The following MAML3 variants were observed in gnomAD, a reference collection of about 807,000 sequenced individuals.
The protein encoded by MAML3 is mastermind like transcriptional coactivator 3.
Under a neutral mutation model 101.9 loss-of-function variants are expected in MAML3, and 27 were observed. That is an observed-to-expected ratio of 0.27 (90% CI 0.20 to 0.37). MAML3 has a LOEUF of 0.37. Ranked by LOEUF, MAML3 falls within the 10% of genes least tolerant of loss-of-function variation. The pLI is 1.00. For missense variants in MAML3, 1,316 were observed against 1,444.9 expected, an observed-to-expected ratio of 0.91 and a Z score of 1.45; for synonymous variants, 501 against 555.9, an observed-to-expected ratio of 0.90 and a Z score of 1.39.
At chr4:139,848,245 G>C (rs1731484338) in intron 2 of MAML3, among the ~76,000 whole-genome samples, 1 of 152,212 alleles carries the variant, frequency 6.6e-6, no homozygotes, top group Admixed American at 6.5e-5. Context: ...ATGGATGTCT[G>C]TGTGTGTGCA....
chr4:139,843,021 T>C (rs1008612058), intron 2 of MAML3, among the ~76,000 whole-genome samples: 12 of 152,006 alleles, frequency 7.9e-5, no homozygotes, highest in African/African-American at 2.7e-4. Flanking sequence ...CTTCAGGTGA[T>C]CCGCCTACCA....
intron 1 of MAML3, among the ~76,000 whole-genome samples, chr4:140,014,695 G>A (rs761379974): frequency 2.9e-4 from 44 of 152,152 alleles, no homozygotes; most frequent in Middle Eastern, 3.2e-3. Flanking sequence ...TTTTTTTGTT[G>A]TTGCTGTTGC....
intron 2 of MAML3, among the ~76,000 whole-genome samples, chr4:139,840,156 A>G (rs182354728): frequency 6.6e-6 from 1 of 152,318 alleles, no homozygotes; most frequent in Non-Finnish European, 1.5e-5. Context: ...TATAAACCAC[A>G]CTAAGACACT....
chr4:139,958,605 T>C (rs1733952894), intron 1 of MAML3, among the ~76,000 whole-genome samples: 1 of 152,182 alleles, frequency 6.6e-6, no homozygotes, highest in Non-Finnish European at 1.5e-5. Flanking sequence ...TTAGTGATCC[T>C]AGAAGAAGCA....
rs1221103949 is a variant in MAML3 at position 139,808,376 on chromosome 4, G to A, written c.2080-77709C>T. ...GTATATCACCGGCCTGTGGCCAACCGCTGCAGGCACCATACCACTTCTAAG... is the reference window on the plus strand; with the variant it reads ...GTATATCACCGGCCTGTGGCCAACCACTGCAGGCACCATACCACTTCTAAG... On this transcript the variant is annotated intron_variant, in intron 2 of 4. Coordinates refer to ENST00000509479, the MANE Select transcript of MAML3 (RefSeq NM_018717.5). Among the ~76,000 whole-genome samples the A allele has an allele frequency of 3.3e-5, 5 of 152,332 alleles. No homozygotes were observed. In the East Asian group the frequency reaches 5.8e-4, roughly 18 times the overall value.
intron 1 of MAML3, among the ~76,000 whole-genome samples, chr4:140,051,602 G>A (rs887918310): frequency 2.6e-5 from 4 of 151,806 alleles, no homozygotes; most frequent in African/African-American, 4.8e-5. Flanking sequence ...GGTACAGCTT[G>A]TTTCATTTTT....
At chr4:139,831,726 CA>C (rs1731165809) in intron 2 of MAML3, among the ~76,000 whole-genome samples, 1 of 152,018 alleles carries the variant, frequency 6.6e-6, no homozygotes, top group Non-Finnish European at 1.5e-5. Context: ...GAAAAAAAAT[CA>C]ATTAAACCGA....
chr4:140,153,168 A>G lies in MAML3; in HGVS notation c.160T>C (p.Cys54Arg). ...PSSNHPAAGGCGGSGGPGGGS... is the reference protein window; with the variant it reads ...PSSNHPAAGGRGGSGGPGGGS... ...CCGCCGGGGCCCCCGGAGCCGCCGCATCCACCGGCTGCCGGGTGATTGCTA... is the reference window on the plus strand; with the variant it reads ...CCGCCGGGGCCCCCGGAGCCGCCGCGTCCACCGGCTGCCGGGTGATTGCTA... The change falls in exon 1 of 5, where the codon TGC becomes CGC. Residue 54 changes from cysteine to arginine, a missense_variant. Cys to Arg is a radical substitution (Grantham distance 180, BLOSUM62 -3). Coordinates refer to ENST00000509479, the MANE Select transcript of MAML3 (RefSeq NM_018717.5). 1 of 1,551,440 alleles carries G rather than the reference A, an allele frequency of 6.4e-7. No individual in the cohort carries two copies.
intron 2 of MAML3, among the ~76,000 whole-genome samples, chr4:139,811,206 A>G (rs1344167111): frequency 6.6e-6 from 1 of 152,226 alleles, no homozygotes; most frequent in African/African-American, 2.4e-5. Flanking sequence ...CTTCTAACAT[A>G]TAAACAAAGC....
At position 139,890,956 on chromosome 4, in the gene MAML3, A is replaced by G; in HGVS notation, c.480T>C (p.Thr160=). 6.2e-7 allele frequency: 1 copy of G among 1,611,382 alleles called. No individual in the cohort carries two copies. Among genetic ancestry groups the G allele is most frequent in the Non-Finnish European group, 8.5e-7 (1 of 1,178,316 alleles). The change falls in exon 2 of 5, where the codon ACT becomes ACC. Residue 160 remains threonine, a synonymous_variant. Coordinates refer to ENST00000509479, the MANE Select transcript of MAML3 (RefSeq NM_018717.5). This position sits in a 1 kb window ranked among gnomAD's most constrained non-coding sequence, Gnocchi z 4.1. ...GAGCTCCTTCCAACTTCCTTTTCAC[A>G]GTCTCTTGTAGCTGGAAAAGAAACA... ...RNHTLIMLQE[T]VKRKLEGARS... is the part of the protein sequence containing the mutation.
At chr4:139,862,910 G>A (rs958778707) in intron 2 of MAML3, among the ~76,000 whole-genome samples, 2 of 152,090 alleles carry the variant, frequency 1.3e-5, no homozygotes, top group African/African-American at 2.4e-5. Context: ...AATACATCGA[G>A]TTTCACTTGC....
chr4:139,853,495 G>GA (rs1476966370), intron 2 of MAML3, among the ~76,000 whole-genome samples: 3 of 152,100 alleles, frequency 2.0e-5, no homozygotes, highest in Non-Finnish European at 1.5e-5. Flanking sequence ...AGATGGCCTG[G>GA]AGGTACCTAG....
In MAML3 at chr4:140,152,871, T is replaced by G; in HGVS notation, c.457A>C (p.Thr153Pro). 6.3e-7 allele frequency: 1 copy of G among 1,591,606 alleles called. No individual in the cohort carries two copies. The highest frequency in any genetic ancestry group is 8.6e-7 in the Non-Finnish European group (1 of 1,168,288). Reference sequence around the variant, plus strand: ...CCGTGCGCCCTCACCATGATCAGCGTGTGGTTCCTCTGCTCCGCCGAGGCA... The same window carrying G: ...CCGTGCGCCCTCACCATGATCAGCGGGTGGTTCCTCTGCTCCGCCGAGGCA... ...EAASAEQRNH[T>P]LIMLQETVKR... The change falls in exon 1 of 5, where the codon ACG (threonine) becomes CCG (proline). Residue 153 changes from threonine to proline, a missense_variant. Transcript: ENST00000509479.
intron 1 of MAML3, among the ~76,000 whole-genome samples, chr4:139,985,542 A>C (rs1256218694): frequency 6.6e-6 from 1 of 152,262 alleles, no homozygotes; most frequent in East Asian, 1.9e-4. Flanking sequence ...GATTGTAAGC[A>C]ACAGTGAAAC....
intron 2 of MAML3, among the ~76,000 whole-genome samples, chr4:139,771,978 G>GC (rs1264495002): frequency 4.6e-5 from 7 of 150,772 alleles, no homozygotes; most frequent in African/African-American, 1.7e-4. Flanking sequence ...GGTGGCTCAC[G>GC]CCTGTAATCC....
intron 1 of MAML3, among the ~76,000 whole-genome samples, chr4:139,946,060 TG>T (rs1733721150): frequency 6.6e-6 from 1 of 152,208 alleles, no homozygotes; most frequent in Non-Finnish European, 1.5e-5. Context: ...AGAATCAGAA[TG>T]GAAAATACCA....
At chr4:139,806,681 A>T (rs1730705819) in intron 2 of MAML3, among the ~76,000 whole-genome samples, 1 of 152,238 alleles carries the variant, frequency 6.6e-6, no homozygotes, top group African/African-American at 2.4e-5. Flanking sequence ...AAAGGTAAAC[A>T]ACTAAAATGT....
At chr4:140,104,433 G>A (rs1445174644) in intron 1 of MAML3, among the ~76,000 whole-genome samples, 1 of 29,356 alleles carries the variant, frequency 3.4e-5, no homozygotes, top group Non-Finnish European at 7.5e-5. Context: ...ATACACGAAT[G>A]TGTATATACA....
intron 2 of MAML3, among the ~76,000 whole-genome samples, chr4:139,799,462 G>A (rs191967991): frequency 6.6e-6 from 1 of 152,270 alleles, no homozygotes; most frequent in Admixed American, 6.5e-5. Flanking sequence ...AGTGTGTACT[G>A]TGCATGTGTG....
Sources: gnomAD v4.1 joint callset for allele counts (sites outside exome capture counted in the v4.1 genomes callset) on GRCh38, gnomAD v4.1.1 for gene constraint, Gnocchi (gnomAD v3.1) non-coding constraint, MANE v1.5 for transcripts, NCBI Gene and HGNC (gene_info 2026-07-23, HGNC 2026-07-21) for gene names.